The following SEL1L2 variants were observed in gnomAD, a reference collection of about 807,000 sequenced individuals.
The protein encoded by SEL1L2 is SEL1L2 adaptor subunit of SYVN1 ubiquitin ligase, also known as protein sel-1 homolog 2.
SEL1L2 carries 89 observed loss-of-function variants against 98.8 expected under a neutral mutation model. The observed-to-expected ratio is 0.90, with a 90% CI of 0.76 to 1.07. The LOEUF (loss-of-function observed/expected upper bound fraction) is 1.07, where lower values mean the gene tolerates loss of function less well. Among genes scored for constraint, SEL1L2 ranks in the 50% least tolerant of loss-of-function variants. The pLI, the probability that SEL1L2 is intolerant of heterozygous loss-of-function variation, is 0.00. For synonymous variants in SEL1L2, 262 were observed against 278.5 expected (o/e 0.94, Z 0.59); for missense variants, 788 against 812.0 (o/e 0.97, Z 0.36).
chr20:13,874,122 G>A (rs1206849518), intron 12 of SEL1L2, among the ~76,000 whole-genome samples: 1 of 152,152 alleles, frequency 6.6e-6, no homozygotes, highest in Non-Finnish European at 1.5e-5. Context: ...ATGGGGACGG[G>A]CCTGACATGC....
At chr20:13,899,608 T>TA (rs1480036473) in intron 5 of SEL1L2, among the ~76,000 whole-genome samples, 1 of 152,102 alleles carries the variant, frequency 6.6e-6, no homozygotes, top group African/African-American at 2.4e-5. Context: ...CCCTTTTTTT[T>TA]ATAAGGGCAC....
intron 12 of SEL1L2, among the ~76,000 whole-genome samples, chr20:13,872,678 G>A (rs1335074129): frequency 5.3e-5 from 8 of 152,094 alleles, no homozygotes; most frequent in Non-Finnish European, 1.2e-4. Context: ...GAATAGCAGG[G>A]ACAAATTACT....
At chr20:13,855,956 G>A (rs1428021656) in intron 18 of SEL1L2, among the ~76,000 whole-genome samples, 1 of 152,140 alleles carries the variant, frequency 6.6e-6, no homozygotes, top group Admixed American at 6.5e-5. Context: ...AGATTTAAAG[G>A]GAGAACACTA....
intron 11 of SEL1L2, among the ~76,000 whole-genome samples, chr20:13,876,755 G>C (rs1348899843): frequency 6.6e-6 from 1 of 152,180 alleles, no homozygotes; most frequent in Non-Finnish European, 1.5e-5. Flanking sequence ...TTACATATTG[G>C]GGAGTGGGGT....
chr20:13,932,392 A>C (rs2049182416), intron 2 of SEL1L2, among the ~76,000 whole-genome samples: 1 of 143,472 alleles, frequency 7.0e-6, no homozygotes, highest in African/African-American at 2.6e-5. Context: ...GAAACATTAA[A>C]ATTTTTCCTT....
chr20:13,855,062 A>C (rs1355435199), intron 18 of SEL1L2, among the ~76,000 whole-genome samples: 2 of 151,948 alleles, frequency 1.3e-5, no homozygotes, highest in Non-Finnish European at 2.9e-5. Context: ...AAAAAAAAAA[A>C]AAAAAAAAAA....
At chr20:13,857,202 A>AT (rs1207594766) in intron 18 of SEL1L2, among the ~76,000 whole-genome samples, 2,758 of 141,408 alleles carry the variant, frequency 0.02, 36 homozygotes, top group Non-Finnish European at 0.028. Flanking sequence ...GTAGTCCCTG[A>AT]TTTTTTTTTT....
At chr20:13,937,321 A>G (rs752710292) in intron 2 of SEL1L2, among the ~76,000 whole-genome samples, 1 of 152,172 alleles carries the variant, frequency 6.6e-6, no homozygotes, top group Non-Finnish European at 1.5e-5. Context: ...CCAAGTGTTT[A>G]TATCAGATGC....
At chr20:13,956,283 A>G in intron 1 of SEL1L2, 152 bp from the exon 2 acceptor site, 1 of 537,888 alleles carries the variant, frequency 1.9e-6, no homozygotes, top group Non-Finnish European at 3.2e-6. Flanking sequence ...GTTCCTAATA[A>G]TGTGTTAAAA....
intron 3 of SEL1L2, among the ~76,000 whole-genome samples, chr20:13,924,998 G>T (rs1366612085): frequency 1.3e-5 from 2 of 152,066 alleles, no homozygotes; most frequent in African/African-American, 4.8e-5. Context: ...AATTAGCCGG[G>T]CATAGTGGTG....
In SEL1L2 at chr20:13,962,200, C is replaced by A. The variant is rs143620683; in HGVS notation, c.59-6069G>T. On this transcript the variant is annotated intron_variant, in intron 1 of 19. Transcript: ENST00000284951. ...CAATGGCCCCCAGGGAATCACAACT[C>A]CTTGTATTCACATCGCTTTGCAGTG... Among the ~76,000 whole-genome samples the A allele has an allele frequency of 4.4e-3, 671 of 152,288 alleles. 4 individuals are homozygous for A. Among genetic ancestry groups the A allele is most frequent in the African/African-American group, 0.015 (639 of 41,552 alleles).
intron 5 of SEL1L2, among the ~76,000 whole-genome samples, chr20:13,898,740 T>A (rs111227240): frequency 0.022 from 3,292 of 151,950 alleles, 105 homozygotes; most frequent in African/African-American, 0.075. Context: ...ATTGTTTTTT[T>A]ATTTTTAGTT....
At chr20:13,948,540 T>C (rs1260281321) in intron 2 of SEL1L2, among the ~76,000 whole-genome samples, 1 of 152,212 alleles carries the variant, frequency 6.6e-6, no homozygotes, top group African/African-American at 2.4e-5. Context: ...CTGGGAAAAC[T>C]GGATAGCCAT....
intron 4 of SEL1L2, 112 bp downstream of exon 4, chr20:13,918,909 A>G: frequency 2.9e-6 from 2 of 689,424 alleles, no homozygotes; most frequent in Non-Finnish European, 5.0e-6. Flanking sequence ...TTTATGGGCA[A>G]ATAGGCTTAC....
At chr20:13,967,267 G>A (rs2051090290) in intron 1 of SEL1L2, among the ~76,000 whole-genome samples, 1 of 152,136 alleles carries the variant, frequency 6.6e-6, no homozygotes, top group Admixed American at 6.6e-5. Flanking sequence ...GCTACACTTT[G>A]TAAGCCATGG....
At chr20:13,947,051 G>T (rs945823548) in intron 2 of SEL1L2, among the ~76,000 whole-genome samples, 2 of 152,192 alleles carry the variant, frequency 1.3e-5, no homozygotes, top group African/African-American at 2.4e-5. Flanking sequence ...AGGCAGACAG[G>T]CTCCTGGGTG....
At chr20:13,907,700 CTCTT>C (rs10665105) in intron 5 of SEL1L2, among the ~76,000 whole-genome samples, 19,182 of 125,392 alleles carry the variant, frequency 0.15, 1,545 homozygotes, top group East Asian at 0.19. Context: ...TTCTTTCTTT[CTCTT>C]TCTTTCTTTC....
At chr20:13,970,188 C>A in intron 1 of SEL1L2, among the ~76,000 whole-genome samples, 1 of 152,024 alleles carries the variant, frequency 6.6e-6, no homozygotes, top group East Asian at 1.9e-4. Flanking sequence ...AACTTAGAGT[C>A]AAAGAATCGC....
chr20:13,952,125 C>T lies in SEL1L2; in HGVS notation c.114+3951G>A, dbSNP rs529252023. ...TGGGCATGTCACAAGACATGCTTTTCTCTCCCTTGTTGGAGGAGGATTCAA... is the reference window on the plus strand; with the variant it reads ...TGGGCATGTCACAAGACATGCTTTTTTCTCCCTTGTTGGAGGAGGATTCAA... On this transcript the variant is annotated intron_variant, in intron 2 of 19. Transcript: ENST00000284951. Among the ~76,000 whole-genome samples the T allele has an allele frequency of 2.6e-5, 4 of 152,318 alleles. No individual in the cohort carries two copies. In the East Asian group the frequency reaches 7.7e-4, roughly 29 times the overall value.
Sources: gnomAD v4.1 joint callset for allele counts (sites outside exome capture counted in the v4.1 genomes callset) on GRCh38, gnomAD v4.1.1 for gene constraint, MANE v1.5 for transcripts, NCBI Gene and HGNC (gene_info 2026-07-23, HGNC 2026-07-21) for gene names.